CLSTN2: variants seen among roughly 807,000 people sequenced by gnomAD.
The protein encoded by CLSTN2 is calsyntenin-2.
CLSTN2 carries 48 observed loss-of-function variants against 101.2 expected under a neutral mutation model. The observed-to-expected ratio is 0.47, with a 90% CI of 0.38 to 0.60. CLSTN2 has a LOEUF of 0.60. Among genes scored for constraint, CLSTN2 ranks in the 20% least tolerant of loss-of-function variants. The pLI is 0.00. For missense variants in CLSTN2, 1,160 were observed against 1,238.2 expected, an observed-to-expected ratio of 0.94 and a Z score of 0.95; for synonymous variants, 481 against 463.6, an observed-to-expected ratio of 1.04 and a Z score of -0.48.
intron 4 of CLSTN2, among the ~76,000 whole-genome samples, chr3:140,411,422 T>C: frequency 6.6e-6 from 1 of 152,214 alleles, no homozygotes; most frequent in East Asian, 1.9e-4. Context: ...CGTGTAAATA[T>C]ATAAAGTAAA....
intron 1 of CLSTN2, among the ~76,000 whole-genome samples, chr3:140,135,113 CACACATATAT>C (rs2009591878): frequency 9.6e-5 from 5 of 52,080 alleles, no homozygotes; most frequent in African/African-American, 6.1e-4. Flanking sequence ...CACACACACA[CACACATATAT>C]ATATATATAT....
At chr3:140,245,694 A>C (rs188558866) in intron 2 of CLSTN2, among the ~76,000 whole-genome samples, 1 of 152,254 alleles carries the variant, frequency 6.6e-6, no homozygotes, top group East Asian at 1.9e-4. Context: ...CAAATGTTGG[A>C]GTTGAGAATG....
At chr3:139,937,136 T>C (rs957021701) in intron 1 of CLSTN2, among the ~76,000 whole-genome samples, 1 of 152,184 alleles carries the variant, frequency 6.6e-6, no homozygotes, top group African/African-American at 2.4e-5. Context: ...CCCATCACTT[T>C]GTAGCACAGT....
intron 2 of CLSTN2, among the ~76,000 whole-genome samples, chr3:140,239,576 C>T (rs1390712078): frequency 4.6e-5 from 7 of 152,252 alleles, no homozygotes; most frequent in South Asian, 2.1e-4. Context: ...GACTCAATTT[C>T]GTAATCATTT....
chr3:140,530,003 GA>G (rs1326900151), intron 8 of CLSTN2, among the ~76,000 whole-genome samples: 1 of 152,192 alleles, frequency 6.6e-6, no homozygotes, highest in East Asian at 1.9e-4. Flanking sequence ...AACCTTTGCA[GA>G]AAAAAACATT....
At chr3:140,135,096 A>ACG (rs2009588264) in intron 1 of CLSTN2, among the ~76,000 whole-genome samples, 1 of 45,088 alleles carries the variant, frequency 2.2e-5, no homozygotes, top group South Asian at 7.5e-4. Flanking sequence ...AAACACACAC[A>ACG]CACACACACA....
chr3:140,447,982 T>A (rs7623822), intron 5 of CLSTN2, among the ~76,000 whole-genome samples: 22,932 of 152,108 alleles, frequency 0.15, 2,892 homozygotes, highest in African/African-American at 0.34. Context: ...TTTACCTATA[T>A]AACAAACCTG....
chr3:140,024,559 G>C (rs938857631), intron 1 of CLSTN2, among the ~76,000 whole-genome samples: 5 of 152,304 alleles, frequency 3.3e-5, no homozygotes, highest in South Asian at 2.1e-4. Flanking sequence ...TCAGCTAGTC[G>C]CAAACAACAC....
chr3:140,352,598 G>A (rs2087621465), intron 2 of CLSTN2, among the ~76,000 whole-genome samples: 1 of 152,224 alleles, frequency 6.6e-6, no homozygotes, highest in African/African-American at 2.4e-5. Context: ...GACAATGGAT[G>A]TGCTCATTAA....
At chr3:140,019,179 G>A (rs763158423) in intron 1 of CLSTN2, among the ~76,000 whole-genome samples, 8 of 152,168 alleles carry the variant, frequency 5.3e-5, no homozygotes, top group African/African-American at 1.9e-4. Context: ...TTAATTTTAT[G>A]TGTCCTCTTA....
At chr3:140,250,695 G>A (rs960966611) in intron 2 of CLSTN2, among the ~76,000 whole-genome samples, 4 of 152,130 alleles carry the variant, frequency 2.6e-5, no homozygotes, top group Admixed American at 6.6e-5. Context: ...ATGAGCCTTC[G>A]CCAGGGATAA....
intron 8 of CLSTN2, among the ~76,000 whole-genome samples, chr3:140,498,133 C>CT (rs948975693): frequency 3.9e-5 from 6 of 152,202 alleles, no homozygotes; most frequent in African/African-American, 1.2e-4. Flanking sequence ...ATCTTGGACT[C>CT]TCCCCCAAGA....
chr3:140,040,451 T>C (rs2007739386), intron 1 of CLSTN2, among the ~76,000 whole-genome samples: 1 of 152,182 alleles, frequency 6.6e-6, no homozygotes, highest in South Asian at 2.1e-4. Context: ...GGTGTGTTTA[T>C]GGAGAGGAGC....
intron 1 of CLSTN2, among the ~76,000 whole-genome samples, chr3:140,113,354 A>G (rs2009186333): frequency 6.6e-6 from 1 of 152,198 alleles, no homozygotes; most frequent in Admixed American, 6.5e-5. Flanking sequence ...GACTGTGTGC[A>G]GACCCCAACT....
chr3:140,099,086 A>G (rs1475825425), intron 1 of CLSTN2, among the ~76,000 whole-genome samples: 2 of 152,186 alleles, frequency 1.3e-5, no homozygotes, highest in Non-Finnish European at 2.9e-5. Context: ...ATGTGGCTCA[A>G]TCTCACCCAA....
intron 2 of CLSTN2, among the ~76,000 whole-genome samples, chr3:140,322,036 C>T (rs1309578304): frequency 1.3e-5 from 2 of 152,202 alleles, no homozygotes; most frequent in Non-Finnish European, 1.5e-5. Flanking sequence ...CTCTTCAGAC[C>T]TCAGGGCCCC....
chr3:140,121,029 T>C (rs1263794713), intron 1 of CLSTN2, among the ~76,000 whole-genome samples: 1 of 152,152 alleles, frequency 6.6e-6, no homozygotes, highest in Non-Finnish European at 1.5e-5. Context: ...ACACAGTCAA[T>C]TGAGTTAGTT....
At chr3:140,370,569 G>GTTC (rs1199741123) in intron 2 of CLSTN2, among the ~76,000 whole-genome samples, 2 of 152,118 alleles carry the variant, frequency 1.3e-5, no homozygotes, top group Non-Finnish European at 2.9e-5. Flanking sequence ...TATGGTTGTT[G>GTTC]TATCAGGTTT....
intron 1 of CLSTN2, among the ~76,000 whole-genome samples, chr3:140,036,037 A>G (rs2007645898): frequency 6.6e-6 from 1 of 152,164 alleles, no homozygotes; most frequent in Non-Finnish European, 1.5e-5. Flanking sequence ...TCTGCATGGC[A>G]TTTATCACCA....
Sources: allele counts gnomAD v4.1 joint callset (sites outside exome capture counted in the v4.1 genomes callset), GRCh38; gene constraint gnomAD v4.1.1; transcripts MANE v1.5; gene names NCBI Gene and HGNC (gene_info 2026-07-23, HGNC 2026-07-21).